The following C6 variants were observed in gnomAD, a reference collection of about 807,000 sequenced individuals.
C6 encodes complement component C6.
Under a neutral mutation model 112.9 loss-of-function variants are expected in C6, and 101 were observed. The ratio of observed to expected loss-of-function variants is 0.89; its 90% CI spans 0.76 to 1.06. The LOEUF (loss-of-function observed/expected upper bound fraction) is 1.06. Ranked by LOEUF, C6 falls within the 50% of genes least tolerant of loss-of-function variation. The probability of loss-of-function intolerance (pLI) is 0.00; values close to 1 mark genes in which losing one functional copy is unlikely to be tolerated. For synonymous variants in C6, 431 were observed against 384.1 expected (o/e 1.12, Z -1.43); for missense variants, 1,202 against 1,104.6 (o/e 1.09, Z -1.25).
chr5:41,153,579 C>G (rs59070453), intron 15 of C6, among the ~76,000 whole-genome samples: 3,232 of 152,298 alleles, frequency 0.021, 121 homozygotes, highest in African/African-American at 0.073. Flanking sequence ...TTAACTTTCT[C>G]CCTTTCTTTC....
chr5:41,152,139 C>T (rs1746461625), intron 15 of C6, among the ~76,000 whole-genome samples: 2 of 151,960 alleles, frequency 1.3e-5, no homozygotes, highest in Non-Finnish European at 2.9e-5. Flanking sequence ...AGGGCTGAGA[C>T]AAGTATTCTG....
At position 41,172,342 on chromosome 5, in the gene C6, T is replaced by A; in HGVS notation, c.1174A>T (p.Thr392Ser). 6.2e-7 allele frequency: 1 copy of A among 1,613,554 alleles called. No homozygotes were observed. Among genetic ancestry groups the A allele is most frequent in the Non-Finnish European group, 8.5e-7 (1 of 1,179,712 alleles). Residue 392 changes from threonine to serine, a missense_variant, in exon 9 of 18, where the codon ACC (threonine) becomes TCC (serine). By Grantham distance (58) the Thr-to-Ser change is moderately conservative (BLOSUM62 1). Transcript: ENST00000337836. Reference sequence around the variant, plus strand: ...ACACAGTGTTTGGCTTCTTCCTCGGTTAAACCTAGGAGATGAAGTACAAAC... The same window carrying A: ...ACACAGTGTTTGGCTTCTTCCTCGGATAAACCTAGGAGATGAAGTACAAAC... ...SSEELKNSGL[T>S]EEEAKHCVRI...
chr5:41,230,395 G>C (rs541964806), intron 1 of C6, among the ~76,000 whole-genome samples: 1 of 152,014 alleles, frequency 6.6e-6, no homozygotes, highest in Non-Finnish European at 1.5e-5. Flanking sequence ...TTGCATTCCT[G>C]GGGGGAGGTC....
rs905609583 is a variant in C6, at chr5:41,203,222, T to A, written c.9A>T (p.Arg3Ser). 1.2e-6 allele frequency: 2 copies of A among 1,614,016 alleles called. No homozygotes were observed. Among genetic ancestry groups the A allele is most frequent in the African/African-American group, 1.3e-5 (1 of 74,928 alleles). The change falls in exon 2 of 18, where the codon AGA (arginine) becomes AGT (serine). Residue 3 changes from arginine (R) to serine (S), a missense_variant. Arg to Ser is a moderately radical substitution (Grantham distance 110, BLOSUM62 -1). Coordinates refer to ENST00000337836, the MANE Select transcript of C6 (RefSeq NM_000065.5). MA[R>S]RSVLYFILLN... Reference sequence around the variant, plus strand: ...GCAGGATGAAGTACAAGACAGAGCGTCTGGCCATGCCTTGAGAGCCTCCAG... The same window carrying A: ...GCAGGATGAAGTACAAGACAGAGCGACTGGCCATGCCTTGAGAGCCTCCAG...
intron 5 of C6, among the ~76,000 whole-genome samples, chr5:41,191,714 T>C (rs1750229255): frequency 6.6e-6 from 1 of 152,116 alleles, no homozygotes; most frequent in Admixed American, 6.6e-5. Context: ...CTCGTGATAA[T>C]ATATAGAAAT....
At chr5:41,185,240 G>C (rs375781677) in intron 6 of C6, among the ~76,000 whole-genome samples, 1 of 152,034 alleles carries the variant, frequency 6.6e-6, no homozygotes, top group East Asian at 1.9e-4. Flanking sequence ...TATATTAGAT[G>C]GTTTTAAATT....
chr5:41,177,716 G>A (rs907201467), intron 7 of C6, among the ~76,000 whole-genome samples: 1 of 152,098 alleles, frequency 6.6e-6, no homozygotes. Context: ...TCTCCCTTCT[G>A]TCTTTCCTTT....
Position 41,158,745 on chromosome 5 carries a change from C to A in C6, c.1897G>T (p.Val633Phe). 1 of 1,609,606 alleles carries A rather than the reference C, an allele frequency of 6.2e-7. No homozygotes were observed. The highest frequency in any genetic ancestry group is 8.5e-7 in the Non-Finnish European group (1 of 1,176,176). ...TCTGCTTCTATCTCAGGAAGATCGA[C>A]CTCTTTCATTTCTTCGTCATCATTG... ...CINDDEEMKE[V>F]DLPEIEADSG... is the part of the protein sequence containing the mutation. Residue 633 changes from valine to phenylalanine, a missense_variant, in exon 13 of 18, where the codon GTC (valine) becomes TTC (phenylalanine). By Grantham distance (50) the Val-to-Phe change is conservative (BLOSUM62 -1). Transcript: ENST00000337836.
chr5:41,236,546 A>T (rs1740318893), intron 1 of C6, among the ~76,000 whole-genome samples: 1 of 114,114 alleles, frequency 8.8e-6, no homozygotes. Flanking sequence ...AAGACACCAC[A>T]TACCAGAATC....
At chr5:41,153,756 CAAT>C in intron 15 of C6, 51 bp downstream of exon 15, 1 of 1,323,296 alleles carries the variant, frequency 7.6e-7, no homozygotes, top group Admixed American at 1.7e-5. Flanking sequence ...GCTATACTAC[CAAT>C]CTCAGGGTGC....
At chr5:41,195,415 G>T (rs1026410417) in intron 5 of C6, among the ~76,000 whole-genome samples, 1 of 152,070 alleles carries the variant, frequency 6.6e-6, no homozygotes, top group Non-Finnish European at 1.5e-5. Context: ...ACATTTCTGA[G>T]TGGTTACTCA....
chr5:41,159,425 G>T (rs117330464), intron 11 of C6, 172 bp from the exon 12 acceptor site: 2 of 983,346 alleles, frequency 2.0e-6, no homozygotes, highest in East Asian at 1.1e-4. Flanking sequence ...CTGACACATT[G>T]CCTGATTTCC....
chr5:41,253,364 C>G (rs1187051108), intron 1 of C6, among the ~76,000 whole-genome samples: 1 of 152,134 alleles, frequency 6.6e-6, no homozygotes, highest in African/African-American at 2.4e-5. Flanking sequence ...AGGGCCCTCA[C>G]CAAATTTTTA....
At chr5:41,158,611 G>A in intron 13 of C6, 63 bp downstream of exon 13, 2 of 857,358 alleles carry the variant, frequency 2.3e-6, no homozygotes, top group South Asian at 2.7e-5. Flanking sequence ...CTAATTAAAA[G>A]ACAAGCTATA....
chr5:41,236,174 A>T (rs1449533029), intron 1 of C6, among the ~76,000 whole-genome samples: 3 of 105,678 alleles, frequency 2.8e-5, no homozygotes, highest in East Asian at 2.6e-4. Context: ...CTGAATGGTA[A>T]TGCCTAGGTT....
intron 5 of C6, among the ~76,000 whole-genome samples, chr5:41,193,943 T>C (rs1223916786): frequency 6.6e-6 from 1 of 152,060 alleles, no homozygotes; most frequent in African/African-American, 2.4e-5. Flanking sequence ...GGACTGGTTG[T>C]CCCGAGCCGG....
upstream of C6, among the ~76,000 whole-genome samples, chr5:41,215,211 TAGAGTTA>T (rs1561181982): frequency 6.6e-6 from 1 of 152,064 alleles, no homozygotes; most frequent in African/African-American, 2.4e-5. Context: ...GCTACAATGG[TAGAGTTA>T]AGAAGCTGGC....
At chr5:41,241,651 C>T (rs775801586) in intron 1 of C6, among the ~76,000 whole-genome samples, 4 of 152,068 alleles carry the variant, frequency 2.6e-5, no homozygotes, top group Non-Finnish European at 5.9e-5. Context: ...TCCACAAGCT[C>T]AGTGTGCTAT....
intron 1 of C6, among the ~76,000 whole-genome samples, chr5:41,250,541 A>C (rs1266004425): frequency 1.3e-5 from 2 of 152,180 alleles, no homozygotes; most frequent in Non-Finnish European, 1.5e-5. Context: ...AACTGACCTG[A>C]AGTACATCAT....
Sources: allele counts gnomAD v4.1 joint callset (sites outside exome capture counted in the v4.1 genomes callset), GRCh38; gene constraint gnomAD v4.1.1; transcripts MANE v1.5; gene names NCBI Gene and HGNC (gene_info 2026-07-23, HGNC 2026-07-21).